The following CTNNA2 variants were observed in gnomAD, a reference collection of about 807,000 sequenced individuals.
CTNNA2 encodes the protein catenin alpha-2.
CTNNA2 carries 42 observed loss-of-function variants against 101.0 expected under a neutral mutation model. That is an observed-to-expected ratio of 0.42 (90% CI 0.32 to 0.54). The LOEUF is 0.54. CTNNA2 is among the 20% of genes least tolerant of loss of function. The pLI, the probability that CTNNA2 is intolerant of heterozygous loss-of-function variation, is 0.14. For missense variants in CTNNA2, 871 were observed against 1,223.1 expected, an observed-to-expected ratio of 0.71 and a Z score of 4.29; for synonymous variants, 450 against 456.4, an observed-to-expected ratio of 0.99 and a Z score of 0.18.
At chr2:80,215,260 C>T (rs1418815079) in intron 7 of CTNNA2, among the ~76,000 whole-genome samples, 1 of 152,204 alleles carries the variant, frequency 6.6e-6, no homozygotes, top group Non-Finnish European at 1.5e-5. Flanking sequence ...GCCTTCTTCT[C>T]TCAGCTCGTC....
intron 7 of CTNNA2, among the ~76,000 whole-genome samples, chr2:80,045,243 C>T (rs1375759859): frequency 6.6e-6 from 1 of 152,148 alleles, no homozygotes; most frequent in Non-Finnish European, 1.5e-5. Context: ...CCTAATTGTA[C>T]CCAAGAGGAG....
chr2:80,318,512 G>A (rs1678353022), intron 7 of CTNNA2, among the ~76,000 whole-genome samples: 2 of 152,066 alleles, frequency 1.3e-5, no homozygotes, highest in Admixed American at 1.3e-4. Context: ...GTGGGAGTTG[G>A]GTTTGAGAAT....
intron 1 of CTNNA2, among the ~76,000 whole-genome samples, chr2:79,582,095 C>T (rs1395708938): frequency 3.3e-5 from 5 of 152,186 alleles, no homozygotes; most frequent in Non-Finnish European, 5.9e-5. Context: ...AGCCTTGTGC[C>T]AGCCTGCCTC....
chr2:79,208,185 C>A (rs1674125176), intron 2 of CTNNA2, among the ~76,000 whole-genome samples: 1 of 152,202 alleles, frequency 6.6e-6, no homozygotes, highest in African/African-American at 2.4e-5. Flanking sequence ...ATGGGCATTT[C>A]TCCAATTGCA....
intron 7 of CTNNA2, among the ~76,000 whole-genome samples, chr2:80,286,190 T>C (rs548645410): frequency 4.1e-4 from 63 of 152,276 alleles, no homozygotes; most frequent in Non-Finnish European, 7.5e-4. Flanking sequence ...GTCTCTTCTG[T>C]GGATAGACCC....
At chr2:79,314,892 C>A (rs1301633550) in intron 3 of CTNNA2, among the ~76,000 whole-genome samples, 1 of 152,160 alleles carries the variant, frequency 6.6e-6, no homozygotes, top group East Asian at 1.9e-4. Context: ...ATGAAGTCAT[C>A]ATTTATGGGC....
At chr2:80,209,305 G>A (rs776652881) in intron 7 of CTNNA2, among the ~76,000 whole-genome samples, 1 of 151,100 alleles carries the variant, frequency 6.6e-6, no homozygotes, top group South Asian at 2.1e-4. Flanking sequence ...AGGTTGGAGC[G>A]ACTCTTCTGC....
intron 4 of CTNNA2, among the ~76,000 whole-genome samples, chr2:79,382,315 A>T (rs1192514566): frequency 6.6e-6 from 1 of 152,054 alleles, no homozygotes; most frequent in Non-Finnish European, 1.5e-5. Context: ...TGTAGACATT[A>T]GATCATGGGA....
intron 7 of CTNNA2, among the ~76,000 whole-genome samples, chr2:79,994,976 A>G (rs2103921350): frequency 6.6e-6 from 1 of 152,286 alleles, no homozygotes; most frequent in Non-Finnish European, 1.5e-5. Context: ...TCCTCTGAAA[A>G]CATAATTGGA....
In CTNNA2 at chr2:80,547,690, C is replaced by CTTTTTTTTTTTTTTT. The variant is rs61186189; in HGVS notation, c.1540+1629_1540+1643dup. On this transcript the variant is annotated intron_variant, in intron 11 of 18. Coordinates refer to ENST00000402739, the MANE Select transcript of CTNNA2 (RefSeq NM_001282597.3). ...AGAACTCAATATATTGTCACTTCTG[C>CTTTTTTTTTTTTTTT]TTTTTTTTTTTTTTTTGAGATGGAG... is the stretch of plus-strand genomic sequence containing the variant. 3.6e-4 allele frequency among the ~76,000 whole-genome samples: 45 copies of CTTTTTTTTTTTTTTT among 124,300 alleles called. 7 individuals carry two copies. Among genetic ancestry groups the CTTTTTTTTTTTTTTT allele is most frequent in the African/African-American group, 5.1e-4 (15 of 29,372 alleles). The allele number at this position is 124,300 out of a possible 152,430, so 81.5% of individuals were successfully genotyped here. A position where few individuals can be genotyped will look rare whatever the true frequency, so the allele number is the denominator to read the frequency against.
chr2:80,385,098 T>C (rs909000773), intron 7 of CTNNA2, among the ~76,000 whole-genome samples: 13 of 152,174 alleles, frequency 8.5e-5, no homozygotes, highest in Non-Finnish European at 1.6e-4. Context: ...AGGTTCTATA[T>C]AATGACAAGC....
intron 7 of CTNNA2, among the ~76,000 whole-genome samples, chr2:80,025,995 A>T (rs553301618): frequency 1.3e-5 from 2 of 152,342 alleles, no homozygotes; most frequent in South Asian, 2.1e-4. Flanking sequence ...GTGTTATGTG[A>T]TAAGTATTAC....
intron 7 of CTNNA2, chr2:80,313,604 T>C (rs1000278316): frequency 9.3e-6 from 15 of 1,611,498 alleles, no homozygotes; most frequent in Non-Finnish European, 1.3e-5. Context: ...AGGCAAAGTC[T>C]GTGAAAAAAA....
intron 9 of CTNNA2, among the ~76,000 whole-genome samples, chr2:80,523,732 T>C (rs940402861): frequency 1.3e-5 from 2 of 152,134 alleles, no homozygotes; most frequent in African/African-American, 4.8e-5. Context: ...CTAAGGTTAA[T>C]ACAGAAGAGG....
chr2:80,216,281 G>A (rs1046611835), intron 7 of CTNNA2, among the ~76,000 whole-genome samples: 6 of 152,174 alleles, frequency 3.9e-5, no homozygotes, highest in Non-Finnish European at 8.8e-5. Flanking sequence ...ACAAGCTCCA[G>A]TGAGATGAAC....
chr2:80,099,755 C>CAA (rs11435408), intron 7 of CTNNA2, among the ~76,000 whole-genome samples: 7,160 of 141,266 alleles, frequency 0.051, 389 homozygotes, highest in African/African-American at 0.14. Context: ...CTCTTTCCTT[C>CAA]AAAAAAAAAA....
At chr2:79,291,432 C>T (rs1339456688) in intron 2 of CTNNA2, among the ~76,000 whole-genome samples, 1 of 152,180 alleles carries the variant, frequency 6.6e-6, no homozygotes, top group Admixed American at 6.5e-5. Flanking sequence ...TTCCTCACAC[C>T]TGGGCCTATC....
intron 1 of CTNNA2, among the ~76,000 whole-genome samples, chr2:79,626,065 T>A (rs1179680230): frequency 6.6e-6 from 1 of 152,174 alleles, no homozygotes; most frequent in African/African-American, 2.4e-5. Flanking sequence ...TTCTACTTCA[T>A]CTATTTTGAT....
At chr2:80,101,627 T>C (rs1700551636) in intron 7 of CTNNA2, among the ~76,000 whole-genome samples, 1 of 152,220 alleles carries the variant, frequency 6.6e-6, no homozygotes, top group Admixed American at 6.5e-5. Flanking sequence ...CCATCCTTCA[T>C]GTACAGAAAT....
Sources: gnomAD v4.1 joint callset for allele counts (sites outside exome capture counted in the v4.1 genomes callset) on GRCh38, gnomAD v4.1.1 for gene constraint, MANE v1.5 for transcripts, NCBI Gene and HGNC (gene_info 2026-07-23, HGNC 2026-07-21) for gene names.